The following EXOSC4 variants were observed in gnomAD, a reference collection of about 807,000 sequenced individuals.
The protein encoded by EXOSC4 is exosome complex component RRP41.
EXOSC4 carries 14 observed loss-of-function variants against 20.0 expected under a neutral mutation model. The observed-to-expected ratio is 0.70, with a 90% confidence interval of 0.46 to 1.09. The LOEUF (loss-of-function observed/expected upper bound fraction) is 1.09, where lower values mean the gene tolerates loss of function less well. Ranked by LOEUF, EXOSC4 falls within the 50% of genes least tolerant of loss-of-function variation. The pLI is 0.00. For missense variants in EXOSC4, 337 were observed against 334.0 expected, an observed-to-expected ratio of 1.01 and a Z score of -0.07; for synonymous variants, 148 against 146.4, an observed-to-expected ratio of 1.01 and a Z score of -0.08.
upstream of EXOSC4, among the ~76,000 whole-genome samples, chr8:144,075,662 C>T (rs782242672): frequency 6.6e-6 from 1 of 152,196 alleles, no homozygotes; most frequent in African/African-American, 2.4e-5. Context: ...GCGCGAGCAC[C>T]GCGTCTGCCA....
chr8:144,066,806 G>C, the EXOSC4 span, among the ~76,000 whole-genome samples: 8,950 of 152,136 alleles, frequency 0.059, 878 homozygotes, highest in African/African-American at 0.2. Flanking sequence ...AATGAGGCTC[G>C]GCCAGGCGAG....
At chr8:144,073,751 T>A (rs1835811639), upstream of EXOSC4, among the ~76,000 whole-genome samples, 2 of 151,982 alleles carry the variant, frequency 1.3e-5, no homozygotes, top group Admixed American at 1.3e-4. Flanking sequence ...CTTAGGAGGC[T>A]GAGACATGAG....
At chr8:144,077,724 C>G (rs1835849166), upstream of EXOSC4, among the ~76,000 whole-genome samples, 3 of 152,182 alleles carry the variant, frequency 2.0e-5, no homozygotes, top group Admixed American at 2.0e-4. Context: ...AAATACCATG[C>G]ACATGTTGTC....
At chr8:144,070,009 C>T in the EXOSC4 span, among the ~76,000 whole-genome samples, 39 of 152,330 alleles carry the variant, frequency 2.6e-4, no homozygotes, top group African/African-American at 7.7e-4. Flanking sequence ...CTGTTCCGCC[C>T]GGGCGTGCCC....
upstream of EXOSC4, among the ~76,000 whole-genome samples, chr8:144,074,178 T>C (rs1303273241): frequency 1.3e-5 from 2 of 152,196 alleles, no homozygotes; most frequent in East Asian, 1.9e-4. Flanking sequence ...ATATATTTCG[T>C]AAAATTTGCA....
chr8:144,065,493 T>C, the EXOSC4 span, among the ~76,000 whole-genome samples: 268 of 151,696 alleles, frequency 1.8e-3, 2 homozygotes, highest in African/African-American at 6.2e-3. Flanking sequence ...CTTTGGGAGG[T>C]TGAGGCGGGC....
chr8:144,071,302 C>T, the EXOSC4 span, among the ~76,000 whole-genome samples: 5 of 103,850 alleles, frequency 4.8e-5, no homozygotes, highest in Non-Finnish European at 9.9e-5. Flanking sequence ...CCCCTCTCCT[C>T]CCCTCCGCTC....
Position 144,078,783 on chromosome 8 carries a change from G to A in EXOSC4, c.55G>A (p.Ala19Thr). ...DQGYRVDGRR[A>T]GELRKIQARM... The stretch of plus-strand genomic sequence containing the variant: ...GGGCTACCGGGTGGACGGGCGGCGC[G>A]CCGGGGAGCTGCGCAAGATCCAGGC... Residue 19 changes from alanine to threonine, a missense_variant, in exon 1 of 3, where the codon GCC becomes ACC. Physicochemically the swap from Ala to Thr is moderately conservative, Grantham distance 58 (BLOSUM62 0). Coordinates refer to ENST00000316052, the MANE Select transcript of EXOSC4 (RefSeq NM_019037.3). This position sits in a 1 kb window ranked among gnomAD's most constrained non-coding sequence, Gnocchi z 4.7. The A allele has an allele frequency of 6.5e-7, 1 of 1,548,064 alleles. No individual in the cohort carries two copies. The highest frequency in any genetic ancestry group is 8.7e-7 in the Non-Finnish European group (1 of 1,150,264).
chr8:144,080,013 T>C lies in EXOSC4; in HGVS notation c.242T>C (p.Phe81Ser), dbSNP rs1554763254. The change falls in exon 2 of 3, where the codon TTC (phenylalanine) becomes TCC (serine). Residue 81 changes from phenylalanine to serine, a missense_variant. Physicochemically the swap from Phe to Ser is radical, Grantham distance 155. Transcript: ENST00000316052. This position sits in a 1 kb window ranked among gnomAD's most constrained non-coding sequence, Gnocchi z 4.9. The stretch of plus-strand genomic sequence containing the variant: ...AACTGTCAATATAGTTCAGCGACCT[T>C]CAGCACAGGTGAGCGCAAGCGACGG... ...LVNCQYSSAT[F>S]STGERKRRPH... 1 of 1,614,080 alleles carries C rather than the reference T, an allele frequency of 6.2e-7. No homozygotes were observed. Among genetic ancestry groups the C allele is most frequent in the East Asian group, 2.2e-5 (1 of 44,882 alleles).
intron 1 of EXOSC4, 49 bp from the exon 2 acceptor site, chr8:144,079,894 G>C: frequency 6.4e-7 from 1 of 1,560,720 alleles, no homozygotes; most frequent in Non-Finnish European, 8.8e-7. Context: ...GGACAGTGGA[G>C]TGTGAGCTGG....
chr8:144,067,062 G>A, the EXOSC4 span, among the ~76,000 whole-genome samples: 1 of 152,090 alleles, frequency 6.6e-6, no homozygotes, highest in South Asian at 2.1e-4. Flanking sequence ...ACACCAGCCT[G>A]GGCAACAAGA....
chr8:144,071,434 C>T, the EXOSC4 span, among the ~76,000 whole-genome samples: 1 of 149,332 alleles, frequency 6.7e-6, no homozygotes, highest in East Asian at 2.0e-4. Context: ...TATAGGCATG[C>T]GCCTGGGATT....
At chr8:144,065,792 TTTTTA>T in the EXOSC4 span, among the ~76,000 whole-genome samples, 2 of 151,206 alleles carry the variant, frequency 1.3e-5, no homozygotes, top group East Asian at 1.9e-4. Context: ...TATTTTTATT[TTTTTA>T]TTTTATTTTA....
At chr8:144,065,785 T>C in the EXOSC4 span, among the ~76,000 whole-genome samples, 1 of 151,162 alleles carries the variant, frequency 6.6e-6, no homozygotes, top group African/African-American at 2.4e-5. Flanking sequence ...AGTAGAGTAT[T>C]TTTATTTTTT....
the EXOSC4 span, among the ~76,000 whole-genome samples, chr8:144,066,528 G>A: frequency 2.2e-4 from 30 of 138,386 alleles, no homozygotes; most frequent in South Asian, 1.4e-3. Context: ...TGCAACCTCC[G>A]ACTCCTGGGT....
chr8:144,073,532 G>A, the EXOSC4 span, among the ~76,000 whole-genome samples: 2 of 151,978 alleles, frequency 1.3e-5, no homozygotes, highest in Admixed American at 1.3e-4. Context: ...CTTTCGGAAT[G>A]TCTTACCTTC....
rs782357099 is a variant in EXOSC4 at position 144,080,051 on chromosome 8, C to T, written c.280C>T (p.Arg94Cys). 5.0e-6 allele frequency: 8 copies of T among 1,613,898 alleles called. No individual in the cohort carries two copies. Among genetic ancestry groups the T allele is most frequent in the African/African-American group, 1.3e-5 (1 of 74,914 alleles). ...GCGCAAGCGACGGCCACATGGGGAC[C>T]GTAAGTCCTGTGAGATGGGCCTGCA... ...GERKRRPHGD[R>C]KSCEMGLQLR... The change falls in exon 2 of 3, where the codon CGT becomes TGT. Residue 94 changes from arginine (R) to cysteine (C), a missense_variant. Transcript: ENST00000316052. This position sits in a 1 kb window ranked among gnomAD's most constrained non-coding sequence, Gnocchi z 4.9.
In EXOSC4 at chr8:144,080,104, C is replaced by T. The variant is rs151065132; in HGVS notation, c.333C>T (p.Ile111=). The change falls in exon 2 of 3, where the codon ATC becomes ATT. Residue 111 remains isoleucine (I), a synonymous_variant. Coordinates refer to ENST00000316052, the MANE Select transcript of EXOSC4 (RefSeq NM_019037.3). The surrounding 1 kb of genome is among the most constrained non-coding windows in gnomAD (Gnocchi z 4.9). ...TCCGCCAGACTTTCGAAGCAGCCAT[C>T]CTCACACAGCTGCACCCACGCTCCC... is the stretch of plus-strand genomic sequence containing the variant. ...LQLRQTFEAA[I]LTQLHPRSQI... 2 of 1,613,922 alleles carry T rather than the reference C, an allele frequency of 1.2e-6. No homozygotes were observed. Among genetic ancestry groups the T allele is most frequent in the African/African-American group, 2.7e-5 (2 of 74,944 alleles).
the EXOSC4 span, among the ~76,000 whole-genome samples, chr8:144,071,331 T>C: frequency 1.5e-5 from 2 of 130,246 alleles, no homozygotes; most frequent in Non-Finnish European, 3.2e-5. Flanking sequence ...TCCCCTCTCC[T>C]CTCCTTTCCT....
Sources: gnomAD v4.1 joint callset for allele counts (sites outside exome capture counted in the v4.1 genomes callset) on GRCh38, gnomAD v4.1.1 for gene constraint, Gnocchi (gnomAD v3.1) non-coding constraint, MANE v1.5 for transcripts, NCBI Gene and HGNC (gene_info 2026-07-23, HGNC 2026-07-21) for gene names.